The following SCEL variants were observed in gnomAD, a reference collection of about 807,000 sequenced individuals.
The protein encoded by SCEL is sciellin.
SCEL carries 113 observed loss-of-function variants against 117.6 expected under a neutral mutation model. That is an observed-to-expected ratio of 0.96 (90% CI 0.83 to 1.12). The LOEUF is 1.12. Among genes scored for constraint, SCEL ranks in the 50% most tolerant of loss-of-function variants. The pLI is 0.00. For synonymous variants in SCEL, 270 were observed against 256.2 expected (o/e 1.05, Z -0.51); for missense variants, 785 against 810.8 (o/e 0.97, Z 0.39).
At position 77,640,721 on chromosome 13, in the gene SCEL, G is replaced by A; in HGVS notation, c.1884G>A (p.Leu628=). ...RDMCTYCRKP[L]GVETKMILDE... ...TGTGCACTTACTGCCGAAAACCCTT[G>A]GGTGTAGAAACTAAAATGATTTTAG... The change falls in exon 31 of 33, where the codon TTG becomes TTA. Residue 628 remains leucine, a synonymous_variant. Transcript: ENST00000349847. The A allele has an allele frequency of 6.2e-7, 1 of 1,607,120 alleles. No homozygotes were observed. Among genetic ancestry groups the A allele is most frequent in the Non-Finnish European group, 8.5e-7 (1 of 1,175,650 alleles).
intron 1 of SCEL, among the ~76,000 whole-genome samples, chr13:77,553,319 C>T (rs2084453499): frequency 6.6e-6 from 1 of 152,172 alleles, no homozygotes; most frequent in Admixed American, 6.5e-5. Context: ...TGTCTTTTGT[C>T]TCACAATTGC....
At chr13:77,541,898 G>C (rs2083722619) in intron 1 of SCEL, among the ~76,000 whole-genome samples, 1 of 152,178 alleles carries the variant, frequency 6.6e-6, no homozygotes, top group Non-Finnish European at 1.5e-5. Flanking sequence ...ACAGGGTTTT[G>C]GCTCATAGTC....
chr13:77,617,425 T>C (rs2089135041), intron 24 of SCEL, among the ~76,000 whole-genome samples, 174 bp from the exon 25 acceptor site: 1 of 152,148 alleles, frequency 6.6e-6, no homozygotes. Flanking sequence ...GAGTAAGTTT[T>C]CTTCTGATAA....
chr13:77,577,074 A>G (rs1447235504), intron 9 of SCEL, among the ~76,000 whole-genome samples: 1 of 152,234 alleles, frequency 6.6e-6, no homozygotes, highest in Non-Finnish European at 1.5e-5. Context: ...GGATCATGTC[A>G]TCTGCAAACA....
intron 28 of SCEL, among the ~76,000 whole-genome samples, chr13:77,629,828 C>A (rs1444014341): frequency 6.6e-6 from 1 of 152,142 alleles, no homozygotes; most frequent in Non-Finnish European, 1.5e-5. Context: ...TGGCAAGAGA[C>A]TGAGTGGGGA....
intron 14 of SCEL, 87 bp from the exon 15 acceptor site, chr13:77,599,602 G>GA (rs2087503716): frequency 9.7e-7 from 1 of 1,026,190 alleles, no homozygotes; most frequent in Non-Finnish European, 1.5e-6. Context: ...AATTCATGGA[G>GA]AATGTTTATT....
At chr13:77,593,300 G>GTGTGTGTGTGTGCGCGTC (rs2087020011) in intron 11 of SCEL, among the ~76,000 whole-genome samples, 8 of 145,146 alleles carry the variant, frequency 5.5e-5, no homozygotes, top group African/African-American at 2.0e-4. Context: ...GTGTGTGTCT[G>GTGTGTGTGTGTGCGCGTC]TGTGTGTGTG....
intron 14 of SCEL, 44 bp from the exon 15 acceptor site, chr13:77,599,645 A>G: frequency 7.1e-7 from 1 of 1,401,096 alleles, no homozygotes; most frequent in Non-Finnish European, 1.0e-6. Flanking sequence ...ACACAATTTC[A>G]TTTCAGTATG....
chr13:77,622,888 A>G (rs1177689941), intron 27 of SCEL, among the ~76,000 whole-genome samples: 1 of 152,178 alleles, frequency 6.6e-6, no homozygotes, highest in African/African-American at 2.4e-5. Context: ...AAACATTATT[A>G]GTTGCAATAG....
At chr13:77,628,969 A>T (rs1019603315) in intron 28 of SCEL, among the ~76,000 whole-genome samples, 1 of 152,208 alleles carries the variant, frequency 6.6e-6, no homozygotes, top group African/African-American at 2.4e-5. Flanking sequence ...TATTTTGGGA[A>T]TAGGACTGGG....
At chr13:77,626,560 G>A (rs2154404898) in intron 27 of SCEL, among the ~76,000 whole-genome samples, 1 of 152,222 alleles carries the variant, frequency 6.6e-6, no homozygotes, top group Non-Finnish European at 1.5e-5. Context: ...TGGATCATGG[G>A]GACAGTTTCC....
intron 2 of SCEL, among the ~76,000 whole-genome samples, chr13:77,556,261 G>T (rs2084650334): frequency 6.6e-6 from 1 of 152,054 alleles, no homozygotes; most frequent in South Asian, 2.1e-4. Context: ...GGGCTTCCAG[G>T]GTATATTTCT....
chr13:77,645,005 A>G lies in SCEL; in HGVS notation c.*731A>G, dbSNP rs193287867. On this transcript the variant is annotated 3_prime_UTR_variant, in exon 33 of 33. Transcript: ENST00000349847. ...AGTGTCATTGTTTAATCACAGACTT[A>G]GTGTTTGAAAACTGTGTTTTAAAAA... The G allele has an allele frequency of 6.6e-6, 1 of 152,278 alleles. No homozygotes were observed. Among genetic ancestry groups the G allele is most frequent in the Admixed American group, 6.5e-5 (1 of 15,292 alleles). 9.4% of individuals were successfully genotyped at this position (152,278 alleles called of 1,614,324 possible). A position where few individuals can be genotyped will look rare whatever the true frequency, so the allele number is the denominator to read the frequency against.
chr13:77,602,913 T>C, intron 17 of SCEL, 163 bp from the exon 18 acceptor site: 1 of 622,654 alleles, frequency 1.6e-6, no homozygotes, highest in East Asian at 2.8e-5. Flanking sequence ...TAAGGATTAA[T>C]TAAACTATGT....
At chr13:77,563,398 A>G (rs773569593) in intron 4 of SCEL, among the ~76,000 whole-genome samples, 1 of 152,162 alleles carries the variant, frequency 6.6e-6, no homozygotes, top group African/African-American at 2.4e-5. Flanking sequence ...GATTTAGTCC[A>G]TGGTGCTGGT....
At chr13:77,550,412 A>T (rs201788766) in intron 1 of SCEL, among the ~76,000 whole-genome samples, 37 of 130,764 alleles carry the variant, frequency 2.8e-4, no homozygotes, top group Non-Finnish European at 4.3e-4. Flanking sequence ...ATATATATAT[A>T]TTATATATAT....
intron 28 of SCEL, among the ~76,000 whole-genome samples, chr13:77,629,484 A>G (rs1232895760): frequency 1.3e-5 from 2 of 152,126 alleles, no homozygotes; most frequent in African/African-American, 4.8e-5. Flanking sequence ...GTCCCGGGAA[A>G]ATCTGCTAAA....
At chr13:77,608,940 A>G (rs1158285265) in intron 20 of SCEL, 118 bp from the exon 21 acceptor site, 3 of 815,122 alleles carry the variant, frequency 3.7e-6, no homozygotes, top group Admixed American at 6.6e-5. Flanking sequence ...ACTGGTATCA[A>G]TTTATCTCAA....
At chr13:77,560,261 C>T (rs1043476955) in intron 4 of SCEL, among the ~76,000 whole-genome samples, 2 of 87,328 alleles carry the variant, frequency 2.3e-5, no homozygotes, top group East Asian at 3.2e-4. Flanking sequence ...CCAGACCCTG[C>T]CTCTAAAAAA....
Sources: gnomAD v4.1 joint callset for allele counts (sites outside exome capture counted in the v4.1 genomes callset) on GRCh38, gnomAD v4.1.1 for gene constraint, MANE v1.5 for transcripts, NCBI Gene and HGNC (gene_info 2026-07-23, HGNC 2026-07-21) for gene names.